The following CAMKK1 variants were observed in gnomAD, a reference collection of about 807,000 sequenced individuals.
CAMKK1 encodes calcium/calmodulin dependent protein kinase kinase 1.
A neutral mutation model predicts 63.5 loss-of-function variants in CAMKK1; 20 were observed. The ratio of observed to expected loss-of-function variants is 0.32; its 90% CI spans 0.22 to 0.46. The LOEUF (loss-of-function observed/expected upper bound fraction) is 0.46. Among genes scored for constraint, CAMKK1 ranks in the 20% least tolerant of loss-of-function variants. The pLI is 1.00. For synonymous variants in CAMKK1, 253 were observed against 269.0 expected, an observed-to-expected ratio of 0.94 and a Z score of 0.58; for missense variants, 588 against 658.1, an observed-to-expected ratio of 0.89 and a Z score of 1.17.
chr17:3,871,493 T>C (rs1181537422), intron 12 of CAMKK1, among the ~76,000 whole-genome samples: 1 of 151,070 alleles, frequency 6.6e-6, no homozygotes, highest in East Asian at 2.0e-4. Context: ...TAGCTGGGAC[T>C]ACAGGCACCC....
At chr17:3,874,279 G>A (rs963412971) in intron 10 of CAMKK1, among the ~76,000 whole-genome samples, 17 of 152,226 alleles carry the variant, frequency 1.1e-4, no homozygotes, top group African/African-American at 3.4e-4. Flanking sequence ...TGCAGCAAGT[G>A]GTCCTCGATT....
At position 3,862,262 on chromosome 17, in the gene CAMKK1, C is replaced by A; in HGVS notation, c.1467G>T (p.Gly489=). The change falls in exon 16 of 16, where the codon GGG becomes GGT. Residue 489 remains glycine (G), a synonymous_variant. Transcript: ENST00000348335. This position sits in a 1 kb window ranked among gnomAD's most constrained non-coding sequence, Gnocchi z 4.1. Reference sequence around the variant, plus strand: ...CGCCGGGGAGCTCTGGGCTCTTGCCCCCTTCACCAAACCCTTCTTTCCTGT... The same window carrying A: ...CGCCGGGGAGCTCTGGGCTCTTGCCACCTTCACCAAACCCTTCTTTCCTGT... ...NLLVKEGFGE[G]GKSPELPGVQ... 6.3e-7 allele frequency: 1 copy of A among 1,588,742 alleles called. No homozygotes were observed. Among genetic ancestry groups the A allele is most frequent in the African/African-American group, 1.3e-5 (1 of 74,488 alleles).
intron 1 of CAMKK1, among the ~76,000 whole-genome samples, chr17:3,891,555 G>T (rs1039032865): frequency 6.6e-6 from 1 of 152,196 alleles, no homozygotes. Context: ...GACAGTGCTT[G>T]CTCAGTATGA....
In CAMKK1 at chr17:3,882,551, G is replaced by C. The variant is rs1295164979; in HGVS notation, c.662C>G (p.Pro221Arg). The part of the protein sequence containing the change: ...VVKLIEVLDD[P>R]AEDNLYLVFD... The stretch of plus-strand genomic sequence containing the variant: ...ACCCAAATAGAGGTTGTCCTCAGCT[G>C]GGTCATCCAGGACCTGGTCAGAGGG... The change falls in exon 7 of 16, where the codon CCA (proline) becomes CGA (arginine). Residue 221 changes from proline to arginine, a missense_variant. Pro to Arg is a moderately radical substitution (Grantham distance 103). This residue lies in a region of CAMKK1 where 357 missense variants were observed against 407.4 expected (regional missense o/e 0.88). Transcript: ENST00000348335. The surrounding 1 kb of genome is among the most constrained non-coding windows in gnomAD (Gnocchi z 4.3). 1.3e-6 allele frequency: 2 copies of C among 1,593,946 alleles called. No homozygotes were observed. Among genetic ancestry groups the C allele is most frequent in the Admixed American group, 1.8e-5 (1 of 56,902 alleles).
At chr17:3,880,304 C>CCCCTAG (rs1567628433) in intron 9 of CAMKK1, 42 bp downstream of exon 9, 2 of 1,555,102 alleles carry the variant, frequency 1.3e-6, no homozygotes, top group South Asian at 1.1e-5. Context: ...CCTGCCAGAT[C>CCCCTAG]CCCTAGCCCC....
chr17:3,868,482 C>T (rs1480560370), intron 14 of CAMKK1, among the ~76,000 whole-genome samples: 1 of 151,758 alleles, frequency 6.6e-6, no homozygotes, highest in Non-Finnish European at 1.5e-5. Context: ...CTAACTGATA[C>T]GTGGGCTTTG....
At chr17:3,863,277 C>T (rs1224778394) in intron 15 of CAMKK1, among the ~76,000 whole-genome samples, 1 of 152,130 alleles carries the variant, frequency 6.6e-6, no homozygotes, top group African/African-American at 2.4e-5. Context: ...GGGCAGATTA[C>T]CTGAGGTCAG....
intron 15 of CAMKK1, among the ~76,000 whole-genome samples, chr17:3,863,823 C>T (rs1219194745): frequency 6.6e-6 from 1 of 152,216 alleles, no homozygotes; most frequent in Non-Finnish European, 1.5e-5. Context: ...CAGGTACAAA[C>T]TAGACACTAA....
At chr17:3,871,474 C>T (rs1196710298) in intron 12 of CAMKK1, among the ~76,000 whole-genome samples, 11 of 150,108 alleles carry the variant, frequency 7.3e-5, no homozygotes, top group South Asian at 2.1e-4. Context: ...CCTGCCTCAG[C>T]CTCTCGAGTA....
At chr17:3,868,663 T>C (rs1227051478) in intron 14 of CAMKK1, among the ~76,000 whole-genome samples, 1 of 152,098 alleles carries the variant, frequency 6.6e-6, no homozygotes, top group East Asian at 1.9e-4. Context: ...TTCTTTCTTT[T>C]TTTTTTTGAG....
chr17:3,891,140 A>T (rs2055888017), intron 1 of CAMKK1, among the ~76,000 whole-genome samples: 1 of 151,224 alleles, frequency 6.6e-6, no homozygotes. Flanking sequence ...GGGAGCAGCC[A>T]GGGACATGGA....
At position 3,892,232 on chromosome 17, in the gene CAMKK1, T is replaced by C. The variant is rs114858913; in HGVS notation, c.-44+707A>G. On this transcript the variant is annotated intron_variant, in intron 1 of 15. Coordinates refer to ENST00000348335, the MANE Select transcript of CAMKK1 (RefSeq NM_032294.3). This position sits in a 1 kb window ranked among gnomAD's most constrained non-coding sequence, Gnocchi z 7.5. ...CCCTCCCCTGACAGGCACACGCCCGTGTCCGCGTGACCCGCCCTCACACAC... is the reference window on the plus strand; with the variant it reads ...CCCTCCCCTGACAGGCACACGCCCGCGTCCGCGTGACCCGCCCTCACACAC... Among the ~76,000 whole-genome samples, 5,148 of 151,708 alleles carry C rather than the reference T, an allele frequency of 0.034. 311 individuals carry two copies. Among genetic ancestry groups the C allele is most frequent in the African/African-American group, 0.12 (4,887 of 41,270 alleles).
rs1281478764 is a variant in CAMKK1 at position 3,893,019 on chromosome 17, G to GCCCCA, written c.-129_-125dup. The GCCCCA allele has an allele frequency of 6.0e-5, 6 of 100,468 alleles. No individual in the cohort carries two copies. Among genetic ancestry groups the GCCCCA allele is most frequent in the Non-Finnish European group, 1.1e-4 (5 of 44,422 alleles). The allele number at this position is 100,468 out of a possible 1,614,324, so 6.2% of individuals were successfully genotyped here. ...TGCGCGCCCCGCCCCGCCCCGCCCCGCCCCACCGCCTCGCTGGGGCCCAGA... is the reference window on the plus strand; with the variant it reads ...TGCGCGCCCCGCCCCGCCCCGCCCCGCCCCACCCCACCGCCTCGCTGGGGCCCAGA... On this transcript the variant is annotated 5_prime_UTR_variant, in exon 1 of 16. Coordinates refer to ENST00000348335, the MANE Select transcript of CAMKK1 (RefSeq NM_032294.3). This position sits in a 1 kb window ranked among gnomAD's most constrained non-coding sequence, Gnocchi z 4.6.
chr17:3,865,553 G>C (rs1369757554), intron 15 of CAMKK1: 2 of 1,063,108 alleles, frequency 1.9e-6, no homozygotes, highest in Non-Finnish European at 1.1e-6. Context: ...CAAGGGCTGA[G>C]GGGGCCACAG....
At chr17:3,868,428 C>A (rs1430715987) in intron 14 of CAMKK1, among the ~76,000 whole-genome samples, 1 of 117,054 alleles carries the variant, frequency 8.5e-6, no homozygotes, top group Non-Finnish European at 2.1e-5. Context: ...GACACAGGTG[C>A]TGCCTAACTG....
chr17:3,885,007 G>C (rs1192978317), intron 2 of CAMKK1, among the ~76,000 whole-genome samples: 1 of 152,216 alleles, frequency 6.6e-6, no homozygotes. Context: ...AGGGGTGCAA[G>C]CTGGAGAAGA....
At chr17:3,876,660 A>G (rs1159440917) in intron 9 of CAMKK1, among the ~76,000 whole-genome samples, 2 of 152,160 alleles carry the variant, frequency 1.3e-5, no homozygotes, top group Non-Finnish European at 2.9e-5. Context: ...TTGGACTCCA[A>G]GTCCAGCACC....
At position 3,883,496 on chromosome 17, in the gene CAMKK1, C is replaced by T. The variant is rs773021611; in HGVS notation, c.463-16G>A. 3 of 1,609,480 alleles carry T rather than the reference C, an allele frequency of 1.9e-6. No homozygotes were observed. The African/African-American group carries it at 4.0e-5, about 22-fold the overall frequency. On this transcript the variant is annotated splice_polypyrimidine_tract_variant and intron_variant, in intron 4 of 15. Coordinates refer to ENST00000348335, the MANE Select transcript of CAMKK1 (RefSeq NM_032294.3). The surrounding 1 kb of genome is among the most constrained non-coding windows in gnomAD (Gnocchi z 4.7). ...CTTTCATTGCCTAAGGAAGGAGGGACAGAAATGTCACTACTGTGCAGCCAC... is the reference window on the plus strand; with the variant it reads ...CTTTCATTGCCTAAGGAAGGAGGGATAGAAATGTCACTACTGTGCAGCCAC...
intron 15 of CAMKK1, among the ~76,000 whole-genome samples, chr17:3,863,706 T>A (rs2054404253): frequency 6.6e-6 from 1 of 151,790 alleles, no homozygotes; most frequent in South Asian, 2.1e-4. Context: ...CAAGACTCCA[T>A]CTCTATTTTT....
Sources: allele counts gnomAD v4.1 joint callset (sites outside exome capture counted in the v4.1 genomes callset), GRCh38; gene constraint gnomAD v4.1.1; regional missense constraint gnomAD v4.1.1; non-coding constraint Gnocchi (gnomAD v3.1); transcripts MANE v1.5; gene names NCBI Gene and HGNC (gene_info 2026-07-23, HGNC 2026-07-21).